Variants in TARBP2 observed in about 807,000 individuals in gnomAD.
The protein encoded by TARBP2 is RISC-loading complex subunit TARBP2.
In TARBP2, 23 loss-of-function variants were observed where a neutral mutation model predicts 40.4. That is an observed-to-expected ratio of 0.57 (90% CI 0.41 to 0.81). TARBP2 has a LOEUF of 0.81. Ranked by LOEUF, TARBP2 falls within the 30% of genes least tolerant of loss-of-function variation. The pLI is 0.00. For synonymous variants in TARBP2, 183 were observed against 190.5 expected, an observed-to-expected ratio of 0.96 and a Z score of 0.32; for missense variants, 358 against 473.7, an observed-to-expected ratio of 0.76 and a Z score of 2.27.
In TARBP2 at chr12:53,505,436, C is replaced by T. The variant is rs1337546340; in HGVS notation, c.741+174C>T. Among the ~76,000 whole-genome samples, 1 of 152,164 alleles carries T rather than the reference C, an allele frequency of 6.6e-6. No individual in the cohort carries two copies. The highest frequency in any genetic ancestry group is 6.5e-5 in the Admixed American group (1 of 15,278). ...GGGCCGACTCAGCCTTGACTGTAGG[C>T]CCGCTCTGTAGCTCTGTTACTGGGG... On this transcript the variant is annotated intron_variant, in intron 7 of 8. Coordinates refer to ENST00000266987, the MANE Select transcript of TARBP2 (RefSeq NM_134323.2). This position sits in a 1 kb window ranked among gnomAD's most constrained non-coding sequence, Gnocchi z 4.5.
Position 53,505,980 on chromosome 12 carries a change from T to G in TARBP2, c.944-11T>G. ...CCCAACATTGCCTCCCTCCTCTCTC[T>G]TGCTCTCCAGAGGAGCTGAGCCTGA... On this transcript the variant is annotated splice_polypyrimidine_tract_variant and intron_variant, in intron 8 of 8. Transcript: ENST00000266987. The surrounding 1 kb of genome is among the most constrained non-coding windows in gnomAD (Gnocchi z 4.5). The G allele has an allele frequency of 6.2e-7, 1 of 1,612,898 alleles. No homozygotes were observed. Among genetic ancestry groups the G allele is most frequent in the Non-Finnish European group, 8.5e-7 (1 of 1,179,116 alleles).
intron 2 of TARBP2, 25 bp from the exon 3 acceptor site, chr12:53,503,002 G>T: frequency 1.3e-6 from 2 of 1,543,268 alleles, no homozygotes; most frequent in Non-Finnish European, 1.8e-6. Context: ...GTGACCTCCA[G>T]TATTGCCCAT....
At chr12:53,504,519 GGGCCATGA>G in intron 5 of TARBP2, 50 bp downstream of exon 5, 2 of 1,604,360 alleles carry the variant, frequency 1.2e-6, no homozygotes, top group Non-Finnish European at 1.7e-6. Flanking sequence ...CTTGAGCCAG[GGGCCATGA>G]GGGAAGGCTA....
intron 4 of TARBP2, 48 bp from the exon 5 acceptor site, chr12:53,504,349 C>A (rs761521018): frequency 1.3e-6 from 2 of 1,500,572 alleles, no homozygotes; most frequent in Middle Eastern, 4.9e-4. Flanking sequence ...TGGGCAGGCT[C>A]AGATGGAACC....
intron 1 of TARBP2, 71 bp downstream of exon 1, chr12:53,501,532 C>T (rs1344125015): frequency 3.2e-6 from 5 of 1,546,312 alleles, no homozygotes; most frequent in African/African-American, 1.4e-5. Context: ...GCGGCGCGGC[C>T]CCAGCATGCA....
Position 53,506,126 on chromosome 12 carries a change from A to G in TARBP2, c.1079A>G (p.Lys360Arg), listed in dbSNP as rs1383312955. The stretch of plus-strand genomic sequence containing the variant: ...GCCCGCCGTGCCCTGCAGTACCTCA[A>G]GATCATGGCAGGCAGCAAGTGAAGC... ...EAARRALQYL[K>R]IMAGSK The change falls in exon 9 of 9, where the codon AAG becomes AGG. Residue 360 changes from lysine (K) to arginine (R), a missense_variant. Lys to Arg is a conservative substitution (Grantham distance 26). Transcript: ENST00000266987. 2 of 1,613,768 alleles carry G rather than the reference A, an allele frequency of 1.2e-6. No homozygotes were observed. Among genetic ancestry groups the G allele is most frequent in the East Asian group, 2.2e-5 (1 of 44,890 alleles).
In TARBP2 at chr12:53,506,378, CAG is replaced by C. The variant is rs1293515177; in HGVS notation, c.*231_*232del. The C allele has an allele frequency of 1.6e-4, 91 of 576,668 alleles. 1 individual carries two copies. The highest frequency in any genetic ancestry group is 4.6e-4 in the Middle Eastern group (1 of 2,178). The allele number at this position is 576,668 out of a possible 1,614,324, so 35.7% of individuals were successfully genotyped here. ...TGGTGATGATGAATGGGAATGAAAT[CAG>C]GGGGCTGTCTACTAGAGCCTGGAAT... On this transcript the variant is annotated 3_prime_UTR_variant, in exon 9 of 9. Coordinates refer to ENST00000266987, the MANE Select transcript of TARBP2 (RefSeq NM_134323.2).
intron 1 of TARBP2, chr12:53,501,786 C>T: frequency 2.9e-6 from 4 of 1,370,880 alleles, no homozygotes; most frequent in Non-Finnish European, 3.8e-6. Context: ...GGATCGTGCC[C>T]ACCTTAACTG....
rs1348824274 is a variant in TARBP2 at position 53,505,378 on chromosome 12, G to A, written c.741+116G>A. On this transcript the variant is annotated intron_variant, in intron 7 of 8. Coordinates refer to ENST00000266987, the MANE Select transcript of TARBP2 (RefSeq NM_134323.2). The surrounding 1 kb of genome is among the most constrained non-coding windows in gnomAD (Gnocchi z 4.5). ...CTCTCTGGGCCCTAGGTCTGCTTCTGCCACAGTTTTCCTACCAGACCCAGG... is the reference window on the plus strand; with the variant it reads ...CTCTCTGGGCCCTAGGTCTGCTTCTACCACAGTTTTCCTACCAGACCCAGG... 3.4e-6 allele frequency: 5 copies of A among 1,452,962 alleles called. No individual in the cohort carries two copies. The highest frequency in any genetic ancestry group is 2.8e-5 in the African/African-American group (2 of 70,556). The allele number at this position is 1,452,962 out of a possible 1,614,324, so 90.0% of individuals were successfully genotyped here.
In TARBP2 at chr12:53,503,834, G is replaced by A. The variant is rs1943833536; in HGVS notation, c.422+26G>A. 5 of 1,589,638 alleles carry A rather than the reference G, an allele frequency of 3.1e-6. No homozygotes were observed. The Admixed American group carries it at 8.3e-5, about 26-fold the overall frequency. ...GTATCTGTGTCCCCTGACTGCCTGA[G>A]GTGGGTGGAGGAAGGGGTTCTGGTT... On this transcript the variant is annotated intron_variant, in intron 4 of 8. Coordinates refer to ENST00000266987, the MANE Select transcript of TARBP2 (RefSeq NM_134323.2).
Position 53,503,752 on chromosome 12 carries a change from T to C in TARBP2, c.366T>C (p.Ile122=). The change falls in exon 4 of 9, where the codon ATT becomes ATC. Residue 122 remains isoleucine (I), a synonymous_variant. Coordinates refer to ENST00000266987, the MANE Select transcript of TARBP2 (RefSeq NM_134323.2). ...TAGACTCTTCACTGCCTGAGGACAT[T>C]CCGGTTTTTACTGCTGCAGCAGCTG... is the stretch of plus-strand genomic sequence containing the variant. ...SPLDSSLPED[I]PVFTAAAAAT... 1 of 1,614,178 alleles carries C rather than the reference T, an allele frequency of 6.2e-7. No homozygotes were observed. Among genetic ancestry groups the C allele is most frequent in the Non-Finnish European group, 8.5e-7 (1 of 1,180,030 alleles).
intron 2 of TARBP2, 166 bp downstream of exon 2, chr12:53,502,350 A>AG (rs1943752076): frequency 1.1e-6 from 1 of 923,942 alleles, no homozygotes; most frequent in African/African-American, 1.7e-5. Context: ...GGCTGTAAGA[A>AG]GGTGGGTAGG....
At position 53,505,896 on chromosome 12, in the gene TARBP2, C is replaced by G. The variant is rs376658911; in HGVS notation, c.943+46C>G. On this transcript the variant is annotated intron_variant, in intron 8 of 8. Coordinates refer to ENST00000266987, the MANE Select transcript of TARBP2 (RefSeq NM_134323.2). The surrounding 1 kb of genome is among the most constrained non-coding windows in gnomAD (Gnocchi z 4.5). ...AGCCAGGGGATGGTGGGGGCTGGAC[C>G]GGAGCAAGTAGAAGGGGGTGATGAT... 2.6e-5 allele frequency: 41 copies of G among 1,607,174 alleles called. No individual in the cohort carries two copies. The highest frequency in any genetic ancestry group is 3.3e-5 in the Non-Finnish European group (39 of 1,174,736).
At chr12:53,503,663 C>A (rs1360554131) in intron 3 of TARBP2, 50 bp from the exon 4 acceptor site, 4 of 1,398,666 alleles carry the variant, frequency 2.9e-6, no homozygotes, top group South Asian at 1.2e-5. Flanking sequence ...CCACCCCTCT[C>A]TTCCCCCTAT....
chr12:53,501,265 C>A, upstream of TARBP2: 1 of 804,100 alleles, frequency 1.2e-6, no homozygotes, highest in Non-Finnish European at 2.0e-6. Context: ...GTAGGGTGGG[C>A]GGGGGACTCC....
chr12:53,501,769 G>A, intron 1 of TARBP2: 1 of 1,399,754 alleles, frequency 7.1e-7, no homozygotes. Flanking sequence ...ACCTGCATTG[G>A]GGCACAGGAT....
In TARBP2 at chr12:53,506,272, T is replaced by G. The variant is rs923782799; in HGVS notation, c.*124T>G. On this transcript the variant is annotated 3_prime_UTR_variant, in exon 9 of 9. Transcript: ENST00000266987. Reference sequence around the variant, plus strand: ...ATCTCTACCTCTGACACAGACTGCCTGCCTTGAAGCTGAGAAGGCACAGGG... The same window carrying G: ...ATCTCTACCTCTGACACAGACTGCCGGCCTTGAAGCTGAGAAGGCACAGGG... The G allele has an allele frequency of 3.9e-6, 5 of 1,287,988 alleles. No homozygotes were observed. In the African/African-American group the frequency reaches 7.4e-5, roughly 19 times the overall value. The allele number at this position is 1,287,988 out of a possible 1,614,324, so 79.8% of individuals were successfully genotyped here. A position where few individuals can be genotyped will look rare whatever the true frequency, so the allele number is the denominator to read the frequency against.
At position 53,505,560 on chromosome 12, in the gene TARBP2, G is replaced by T. The variant is rs535754638; in HGVS notation, c.742-89G>T. On this transcript the variant is annotated intron_variant, in intron 7 of 8. Coordinates refer to ENST00000266987, the MANE Select transcript of TARBP2 (RefSeq NM_134323.2). This position sits in a 1 kb window ranked among gnomAD's most constrained non-coding sequence, Gnocchi z 4.5. ...AGGCAAGCTGGAGGAAGCATTCTTT[G>T]TGCTTTGTTCTCCTTTGACGTTGAA... The T allele has an allele frequency of 2.9e-6, 4 of 1,360,722 alleles. No individual in the cohort carries two copies. In the East Asian group the frequency reaches 9.2e-5, roughly 31 times the overall value. 84.3% of individuals were successfully genotyped at this position (1,360,722 alleles called of 1,614,324 possible). A position where few individuals can be genotyped will look rare whatever the true frequency, so the allele number is the denominator to read the frequency against.
In TARBP2 at chr12:53,505,778, G is replaced by C; in HGVS notation, c.871G>C (p.Gly291Arg). The change falls in exon 8 of 9, where the codon GGC becomes CGC. Residue 291 changes from glycine to arginine, a missense_variant. Coordinates refer to ENST00000266987, the MANE Select transcript of TARBP2 (RefSeq NM_134323.2). This position sits in a 1 kb window ranked among gnomAD's most constrained non-coding sequence, Gnocchi z 4.5. ...CTCCCTGGGCTCCCTGGGTGCCCTG[G>C]GCCCTGCCTGCTGCCGTGTCCTCAG... is the stretch of plus-strand genomic sequence containing the variant. ...SCSLGSLGALGPACCRVLSEL... is the reference protein window; with the variant it reads ...SCSLGSLGALRPACCRVLSEL... 6.2e-7 allele frequency: 1 copy of C among 1,614,028 alleles called. No homozygotes were observed. The highest frequency in any genetic ancestry group is 8.5e-7 in the Non-Finnish European group (1 of 1,179,962).
Sources: gnomAD v4.1 joint callset for allele counts (sites outside exome capture counted in the v4.1 genomes callset) on GRCh38, gnomAD v4.1.1 for gene constraint, Gnocchi (gnomAD v3.1) non-coding constraint, MANE v1.5 for transcripts, NCBI Gene and HGNC (gene_info 2026-07-23, HGNC 2026-07-21) for gene names.